ZNF487: variants seen among roughly 807,000 people sequenced by gnomAD.
ZNF487 encodes KRAB domain only 1.
A neutral mutation model predicts 3.0 loss-of-function variants in ZNF487; 4 were observed. That is an observed-to-expected ratio of 1.35 (90% CI 0.66 to 3.08). The LOEUF is 3.08. Ranked by LOEUF, ZNF487 falls within the 30% of genes most tolerant of loss-of-function variation. The pLI, the probability that ZNF487 is intolerant of heterozygous loss-of-function variation, is 0.01. For synonymous variants in ZNF487, 55 were observed against 34.6 expected (o/e 1.59, Z -2.06); for missense variants, 146 against 98.7 (o/e 1.48, Z -2.03).
intron 1 of ZNF487, among the ~76,000 whole-genome samples, chr10:43,446,037 T>C (rs1015508076): frequency 5.3e-5 from 8 of 152,260 alleles, no homozygotes; most frequent in Non-Finnish European, 1.0e-4. Flanking sequence ...AGAAGAATTT[T>C]TCTTAGTACA....
At chr10:43,488,791 A>G in the ZNF487 span, among the ~76,000 whole-genome samples, 10 of 152,126 alleles carry the variant, frequency 6.6e-5, no homozygotes, top group African/African-American at 2.2e-4. Flanking sequence ...TAGGGTTTAT[A>G]TCAAAGAAAG....
rs1357472507 is a variant in ZNF487 at position 43,475,606 on chromosome 10, G to T, written c.-93-115G>T. On this transcript the variant is annotated intron_variant, in intron 1 of 3. Coordinates refer to ENST00000437590, the MANE Select transcript of ZNF487 (RefSeq NM_001355444.3). ...ATAATATCAATAGTAGGCATCCTAT[G>T]TAGCATTTTCTCTTCAACTATCAAC... 5.8e-6 allele frequency: 4 copies of T among 690,100 alleles called. No individual in the cohort carries two copies. In the Admixed American group the frequency reaches 8.4e-5, roughly 14 times the overall value. 42.7% of individuals were successfully genotyped at this position (690,100 alleles called of 1,614,324 possible). A position where few individuals can be genotyped will look rare whatever the true frequency, so the allele number is the denominator to read the frequency against.
chr10:43,487,748 G>A (rs114350556), downstream of ZNF487, among the ~76,000 whole-genome samples: 929 of 151,730 alleles, frequency 6.1e-3, 9 homozygotes, highest in African/African-American at 0.018. Context: ...CACTGTGCCC[G>A]GCCCGAACAT....
At position 43,483,107 on chromosome 10, in the gene ZNF487, T is replaced by C. The variant is rs1841427021; in HGVS notation, c.*1185T>C. ...TGAAGGCTCAGAAACCTTCACCTTC[T>C]TGGACTCGTTCCATAGCAGAAACAA... On this transcript the variant is annotated 3_prime_UTR_variant, in exon 4 of 4. Transcript: ENST00000437590. 2.2e-6 allele frequency: 1 copy of C among 456,648 alleles called. No homozygotes were observed. Among genetic ancestry groups the C allele is most frequent in the Non-Finnish European group, 4.4e-6 (1 of 226,958 alleles). The allele number at this position is 456,648 out of a possible 1,614,324, so 28.3% of individuals were successfully genotyped here.
intron 1 of ZNF487, among the ~76,000 whole-genome samples, chr10:43,475,168 C>T (rs531789525): frequency 7.2e-5 from 11 of 152,254 alleles, no homozygotes; most frequent in African/African-American, 2.6e-4. Context: ...TCCGGGGACC[C>T]TCCCTTATCT....
At chr10:43,503,137 T>A in the ZNF487 span, among the ~76,000 whole-genome samples, 2 of 151,998 alleles carry the variant, frequency 1.3e-5, no homozygotes, top group African/African-American at 4.8e-5. Context: ...ATGTGTGTGT[T>A]AATTGCCCTT....
intron 1 of ZNF487, among the ~76,000 whole-genome samples, chr10:43,437,802 C>T (rs2132021720): frequency 6.6e-6 from 1 of 151,478 alleles, no homozygotes; most frequent in East Asian, 1.9e-4. Flanking sequence ...TCACTGTGTT[C>T]TTCCTTCATT....
At chr10:43,438,714 G>A (rs1017078347) in intron 1 of ZNF487, among the ~76,000 whole-genome samples, 1 of 152,104 alleles carries the variant, frequency 6.6e-6, no homozygotes, top group Non-Finnish European at 1.5e-5. Context: ...AAAAGGGAGA[G>A]GTAACCCCAG....
At chr10:43,506,099 G>A in the ZNF487 span, among the ~76,000 whole-genome samples, 96 of 152,250 alleles carry the variant, frequency 6.3e-4, 1 homozygote, top group African/African-American at 2.2e-3. Context: ...TCACTTTGCC[G>A]TGAAGGATTT....
At chr10:43,464,239 A>G (rs539630036) in intron 1 of ZNF487, among the ~76,000 whole-genome samples, 10 of 149,598 alleles carry the variant, frequency 6.7e-5, no homozygotes, top group African/African-American at 2.5e-4. Flanking sequence ...GCTGGAGTGC[A>G]GTGGCATGAT....
intron 1 of ZNF487, among the ~76,000 whole-genome samples, chr10:43,469,381 C>T (rs1328509201): frequency 6.6e-6 from 1 of 152,010 alleles, no homozygotes; most frequent in South Asian, 2.1e-4. Flanking sequence ...TTTATAGAGA[C>T]GGGCTTTCAG....
At chr10:43,494,422 A>G in the ZNF487 span, among the ~76,000 whole-genome samples, 2 of 151,598 alleles carry the variant, frequency 1.3e-5, no homozygotes, top group Admixed American at 6.6e-5. Context: ...TTGCTTGCCA[A>G]CTCCTGCCGG....
chr10:43,515,477 G>T, the ZNF487 span, among the ~76,000 whole-genome samples: 1 of 152,176 alleles, frequency 6.6e-6, no homozygotes, highest in Admixed American at 6.5e-5. Flanking sequence ...TGGCAAAAAA[G>T]ATTCATCAGA....
chr10:43,466,380 GTTTTCTTTTCTTT>G (rs1481458646), intron 1 of ZNF487, among the ~76,000 whole-genome samples: 1 of 150,326 alleles, frequency 6.7e-6, no homozygotes, highest in African/African-American at 2.4e-5. Context: ...CTGAATTTTT[GTTTTCTTTTCTTT>G]TTTTCTTTCT....
chr10:43,490,500 C>CTT, the ZNF487 span, among the ~76,000 whole-genome samples: 970 of 39,130 alleles, frequency 0.025, 409 homozygotes, highest in African/African-American at 0.062. Flanking sequence ...AGTAGCTCTA[C>CTT]TTTTTTTTTT....
rs1418695054 is a variant in ZNF487, at chr10:43,475,785, C to T, written c.-29C>T. ...CAGGAGGAGTGGCAGCATCTGGACT[C>T]TGCTCAGAGGACCCCGTACAGAGAC... On this transcript the variant is annotated 5_prime_UTR_variant, in exon 2 of 4. Transcript: ENST00000437590. 6.4e-6 allele frequency: 5 copies of T among 780,894 alleles called. No homozygotes were observed. Among genetic ancestry groups the T allele is most frequent in the East Asian group, 2.4e-5 (1 of 41,244 alleles). 48.4% of individuals were successfully genotyped at this position (780,894 alleles called of 1,614,324 possible).
At chr10:43,455,263 G>C (rs1305205334) in intron 1 of ZNF487, among the ~76,000 whole-genome samples, 1 of 151,960 alleles carries the variant, frequency 6.6e-6, no homozygotes, top group Non-Finnish European at 1.5e-5. Context: ...CGCCCGCCTC[G>C]GCCTCCCAAA....
chr10:43,462,260 A>G (rs1179677951), intron 1 of ZNF487, among the ~76,000 whole-genome samples: 1 of 151,544 alleles, frequency 6.6e-6, no homozygotes, highest in Non-Finnish European at 1.5e-5. Flanking sequence ...CTGGGATTGT[A>G]GGGTTGAACT....
intron 1 of ZNF487, among the ~76,000 whole-genome samples, chr10:43,438,601 A>G (rs1839467768): frequency 6.6e-6 from 1 of 152,216 alleles, no homozygotes; most frequent in Admixed American, 6.6e-5. Flanking sequence ...GAATTGCCAT[A>G]TGATCCAGCA....
Sources: allele counts gnomAD v4.1 joint callset (sites outside exome capture counted in the v4.1 genomes callset), GRCh38; gene constraint gnomAD v4.1.1; transcripts MANE v1.5; gene names NCBI Gene and HGNC (gene_info 2026-07-23, HGNC 2026-07-21).